DYDC2: variants seen among roughly 807,000 people sequenced by gnomAD.
DYDC2 encodes the protein DPY30 domain-containing protein 2.
Under a neutral mutation model 18.7 loss-of-function variants are expected in DYDC2, and 19 were observed. The ratio of observed to expected loss-of-function variants is 1.02; its 90% confidence interval spans 0.71 to 1.49. The LOEUF (loss-of-function observed/expected upper bound fraction) is 1.49, where lower values mean the gene tolerates loss of function less well. Among genes scored for constraint, DYDC2 ranks in the 40% most tolerant of loss-of-function variants. DYDC2 has a pLI of 0.00. For synonymous variants in DYDC2, 63 were observed against 67.6 expected, an observed-to-expected ratio of 0.93 and a Z score of 0.34; for missense variants, 179 against 205.1, an observed-to-expected ratio of 0.87 and a Z score of 0.78.
At chr10:80,356,925 G>A (rs1310665852) in intron 1 of DYDC2, 100 bp downstream of exon 1, 2 of 889,464 alleles carry the variant, frequency 2.2e-6, no homozygotes, top group Non-Finnish European at 2.7e-6. Flanking sequence ...AGGGGGCGCG[G>A]CAGAGTAGAG....
intron 1 of DYDC2, among the ~76,000 whole-genome samples, chr10:80,357,605 C>T (rs1271892037): frequency 6.6e-6 from 1 of 152,104 alleles, no homozygotes; most frequent in African/African-American, 2.4e-5. Flanking sequence ...TGCTGGTGAC[C>T]TCTGCTTGGT....
At chr10:80,350,752 A>G (rs189996391) in intron 1 of DYDC2, among the ~76,000 whole-genome samples, 3 of 152,200 alleles carry the variant, frequency 2.0e-5, no homozygotes, top group Admixed American at 1.3e-4. Flanking sequence ...GTTAAGTATT[A>G]TCTGGTAGAA....
chr10:80,362,345 T>A, intron 2 of DYDC2, 90 bp from the exon 3 acceptor site: 5 of 1,487,888 alleles, frequency 3.4e-6, no homozygotes, highest in Non-Finnish European at 4.5e-6. Context: ...ATATTTATCC[T>A]GAAATAAATC....
At chr10:80,354,641 G>A, upstream of DYDC2, among the ~76,000 whole-genome samples, 1 of 152,140 alleles carries the variant, frequency 6.6e-6, no homozygotes, top group East Asian at 1.9e-4. Flanking sequence ...GAGCCTTTGG[G>A]AAGTGATTAG....
chr10:80,354,857 T>C (rs1356859968), upstream of DYDC2, among the ~76,000 whole-genome samples: 1 of 152,186 alleles, frequency 6.6e-6, no homozygotes, highest in East Asian at 1.9e-4. Context: ...TAAATGTGTA[T>C]TGTTTTTAAG....
chr10:80,356,760 G>A (rs1843397853), upstream of DYDC2: 22 of 985,434 alleles, frequency 2.2e-5, no homozygotes, highest in Non-Finnish European at 2.5e-5. Context: ...CCCGTTGCCA[G>A]GCAACGAGAG....
chr10:80,356,591 C>A (rs1843383166), upstream of DYDC2: 2 of 985,416 alleles, frequency 2.0e-6, no homozygotes, highest in African/African-American at 1.7e-5. Flanking sequence ...CCTCTCTCCG[C>A]CTCAGGTGAG....
intron 3 of DYDC2, 86 bp downstream of exon 3, chr10:80,362,676 G>A (rs1177270364): frequency 6.6e-7 from 1 of 1,507,602 alleles, no homozygotes; most frequent in Non-Finnish European, 8.9e-7. Flanking sequence ...TTCTGGAGCT[G>A]GCCTGGGGAA....
chr10:80,364,761 A>T (rs1210458533), intron 4 of DYDC2, among the ~76,000 whole-genome samples: 1 of 152,224 alleles, frequency 6.6e-6, no homozygotes, highest in African/African-American at 2.4e-5. Context: ...GGTTATGATT[A>T]TGGAAATTGA....
chr10:80,345,634 T>C (rs1842569128), intron 1 of DYDC2, among the ~76,000 whole-genome samples: 1 of 152,204 alleles, frequency 6.6e-6, no homozygotes, highest in South Asian at 2.1e-4. Context: ...TCTCTCTTTT[T>C]ATGTATTCAA....
At chr10:80,349,140 C>T (rs868848603) in intron 1 of DYDC2, among the ~76,000 whole-genome samples, 3 of 152,236 alleles carry the variant, frequency 2.0e-5, no homozygotes, top group Admixed American at 6.5e-5. Flanking sequence ...ATCCGCCCGC[C>T]TCGGCCTCCC....
At chr10:80,346,466 T>TTTTTTTTTTTTTTTTTC (rs1842641433) in intron 1 of DYDC2, among the ~76,000 whole-genome samples, 1 of 126,840 alleles carries the variant, frequency 7.9e-6, no homozygotes, top group Admixed American at 7.7e-5. Flanking sequence ...TTTTTTTTTT[T>TTTTTTTTTTTTTTTTTC]TTTTTCTTTT....
intron 4 of DYDC2, among the ~76,000 whole-genome samples, chr10:80,363,332 ATC>A (rs1187793190): frequency 5.1e-5 from 7 of 136,192 alleles, no homozygotes; most frequent in Admixed American, 8.2e-5. Context: ...TTTAAAAAAA[ATC>A]TGTTTTTTTT....
intron 1 of DYDC2, among the ~76,000 whole-genome samples, chr10:80,348,597 T>C (rs1821052078): frequency 6.6e-6 from 1 of 152,208 alleles, no homozygotes; most frequent in Non-Finnish European, 1.5e-5. Flanking sequence ...TCCAGAGTGT[T>C]TGTAAGGCCT....
In DYDC2 at chr10:80,363,016, A is replaced by G. The variant is rs1445677719; in HGVS notation, c.213A>G (p.Thr71=). 8.1e-6 allele frequency: 13 copies of G among 1,613,958 alleles called. No individual in the cohort carries two copies. Among genetic ancestry groups the G allele is most frequent in the African/African-American group, 8.0e-5 (6 of 74,922 alleles). ...GTAGCCTCAAGGAAATGGAAATGACAGAAATGCTGAAACAGGAAGAGTATC... is the reference window on the plus strand; with the variant it reads ...GTAGCCTCAAGGAAATGGAAATGACGGAAATGCTGAAACAGGAAGAGTATC... ...YDSSLKEMEM[T]EMLKQEEYQI... The change falls in exon 4 of 5, where the codon ACA becomes ACG. Residue 71 remains threonine, a synonymous_variant. Transcript: ENST00000256039.
intron 1 of DYDC2, among the ~76,000 whole-genome samples, chr10:80,345,800 T>TATACATATATGTG (rs1425675201): frequency 6.6e-6 from 1 of 152,236 alleles, no homozygotes; most frequent in Admixed American, 6.5e-5. Flanking sequence ...TTCTTTTATA[T>TATACATATATGTG]ATACATATAT....
upstream of DYDC2, among the ~76,000 whole-genome samples, chr10:80,355,863 T>C (rs1340380): frequency 0.76 from 115,576 of 151,998 alleles, 44,862 homozygotes; most frequent in East Asian, 0.97. Context: ...GTCTCAACCA[T>C]ACAGAGAAAA....
At chr10:80,352,111 T>G (rs1426002746), upstream of DYDC2, 1 of 961,554 alleles carries the variant, frequency 1.0e-6, no homozygotes, top group African/African-American at 1.6e-5. Context: ...GTTAAGCAAA[T>G]TATAGCCCAT....
chr10:80,362,699 T>C, intron 3 of DYDC2, 109 bp downstream of exon 3: 2 of 1,482,406 alleles, frequency 1.3e-6, no homozygotes, highest in Non-Finnish European at 9.0e-7. Context: ...TCTTGGTTTA[T>C]TTGACTTGCT....
Sources: allele counts gnomAD v4.1 joint callset (sites outside exome capture counted in the v4.1 genomes callset), GRCh38; gene constraint gnomAD v4.1.1; transcripts MANE v1.5; gene names NCBI Gene and HGNC (gene_info 2026-07-23, HGNC 2026-07-21).